Variants in VPS13A observed in about 807,000 individuals in gnomAD.
VPS13A encodes intermembrane lipid transfer protein VPS13A.
A neutral mutation model predicts 390.9 loss-of-function variants in VPS13A; 264 were observed. That is an observed-to-expected ratio of 0.68 (90% CI 0.61 to 0.75). The LOEUF (loss-of-function observed/expected upper bound fraction) is 0.75. Among genes scored for constraint, VPS13A ranks in the 30% least tolerant of loss-of-function variants. The probability of loss-of-function intolerance (pLI) is 0.00; values close to 1 mark genes in which losing one functional copy is unlikely to be tolerated. For synonymous variants in VPS13A, 1,231 were observed against 1,227.1 expected (o/e 1.00, Z -0.07); for missense variants, 3,409 against 3,733.9 (o/e 0.91, Z 2.27).
intron 45 of VPS13A, among the ~76,000 whole-genome samples, chr9:77,327,250 A>G (rs1329543103): frequency 2.6e-5 from 4 of 152,192 alleles, no homozygotes; most frequent in Non-Finnish European, 5.9e-5. Flanking sequence ...TTATTCTAGC[A>G]TGGCTGAAAA....
In VPS13A at chr9:77,283,341, A is replaced by AT. The variant is rs536731890; in HGVS notation, c.3119-5dup. The stretch of plus-strand genomic sequence containing the variant: ...TTTTTCCTCATGTTTTATAATATGA[A>AT]TTTTTTTTTGCAGCTTTAAAACTAT... On this transcript the variant is annotated splice_polypyrimidine_tract_variant and intron_variant, in intron 29 of 71. Coordinates refer to ENST00000360280, the MANE Select transcript of VPS13A (RefSeq NM_033305.3). 2.6e-4 allele frequency: 380 copies of AT among 1,442,156 alleles called. No homozygotes were observed. Among genetic ancestry groups the AT allele is most frequent in the Middle Eastern group, 3.9e-4 (2 of 5,162 alleles). 89.3% of individuals were successfully genotyped at this position (1,442,156 alleles called of 1,614,324 possible).
intron 68 of VPS13A, chr9:77,385,078 C>A: frequency 1.0e-6 from 1 of 994,344 alleles, no homozygotes; most frequent in Non-Finnish European, 1.2e-6. Flanking sequence ...TGTAATGCCA[C>A]TGTGTAAAAA....
chr9:77,181,647 G>A (rs1824025954), intron 1 of VPS13A, among the ~76,000 whole-genome samples: 1 of 151,978 alleles, frequency 6.6e-6, no homozygotes, highest in African/African-American at 2.4e-5. Context: ...AAATAATCCA[G>A]CAAATTTCAA....
chr9:77,191,829 T>C (rs972406168), intron 1 of VPS13A, among the ~76,000 whole-genome samples: 1 of 152,222 alleles, frequency 6.6e-6, no homozygotes, highest in Non-Finnish European at 1.5e-5. Flanking sequence ...ATACGTGCCA[T>C]GTGCATATGA....
intron 58 of VPS13A, among the ~76,000 whole-genome samples, chr9:77,359,815 C>CAA (rs1270153072): frequency 5.0e-5 from 3 of 59,606 alleles, no homozygotes; most frequent in African/African-American, 6.4e-5. Flanking sequence ...AAGACTGTCT[C>CAA]AAAAAAAAAA....
chr9:77,215,262 CCT>C (rs1429542100), intron 10 of VPS13A, among the ~76,000 whole-genome samples: 2 of 152,238 alleles, frequency 1.3e-5, no homozygotes, highest in African/African-American at 4.8e-5. Context: ...GAATATCCTT[CCT>C]GAAAGTATTT....
intron 68 of VPS13A, among the ~76,000 whole-genome samples, chr9:77,392,581 C>T (rs370558148): frequency 4.6e-5 from 7 of 152,018 alleles, no homozygotes; most frequent in Admixed American, 2.6e-4. Flanking sequence ...AGATACTGCA[C>T]GTTCAGTTCC....
At chr9:77,331,950 T>G in intron 45 of VPS13A, 60 bp from the exon 46 acceptor site, 1 of 1,168,744 alleles carries the variant, frequency 8.6e-7, no homozygotes, top group Non-Finnish European at 1.3e-6. Flanking sequence ...CATATTTTTT[T>G]TACACATCTT....
At chr9:77,305,557 G>T (rs559469928) in intron 34 of VPS13A, 1 of 179,302 alleles carries the variant, frequency 5.6e-6, no homozygotes, top group African/African-American at 2.4e-5. Context: ...CTCTTCCCAG[G>T]TAGAATCCAT....
intron 1 of VPS13A, among the ~76,000 whole-genome samples, chr9:77,196,064 T>C (rs549168383): frequency 1.3e-5 from 2 of 152,202 alleles, no homozygotes; most frequent in Non-Finnish European, 2.9e-5. Context: ...CGTTTCTTAT[T>C]TAAGAGTGCT....
Position 77,355,249 on chromosome 9 carries a change from A to T in VPS13A, c.7653-1465A>T, listed in dbSNP as rs1302993877. 2.6e-5 allele frequency among the ~76,000 whole-genome samples: 4 copies of T among 152,196 alleles called. No individual in the cohort carries two copies. The East Asian group carries it at 5.8e-4, about 22-fold the overall frequency. ...AACACACCATGAAACTGGTTTTGTC[A>T]GCATTACCAGTGACCTCCATAATGC... On this transcript the variant is annotated intron_variant, in intron 54 of 71. Transcript: ENST00000360280.
At chr9:77,377,169 T>A (rs903163027) in intron 67 of VPS13A, among the ~76,000 whole-genome samples, 7 of 151,558 alleles carry the variant, frequency 4.6e-5, no homozygotes, top group African/African-American at 1.7e-4. Context: ...TTATACTTCT[T>A]TTTAAAAACT....
intron 5 of VPS13A, among the ~76,000 whole-genome samples, chr9:77,207,816 T>C (rs924519459): frequency 3.3e-5 from 5 of 152,144 alleles, no homozygotes; most frequent in African/African-American, 1.2e-4. Context: ...TTTTGTTTGG[T>C]GGGGTTTCCA....
chr9:77,281,889 T>G lies in VPS13A; in HGVS notation c.2927T>G (p.Leu976Trp). Residue 976 changes from leucine (L) to tryptophan (W), a missense_variant, in exon 28 of 72, where the codon TTG (leucine) becomes TGG (tryptophan). Around this residue, in one of 5 missense-constraint regions of VPS13A, gnomAD observed 2,717 missense variants for 2,917.4 expected, o/e 0.93. Coordinates refer to ENST00000360280, the MANE Select transcript of VPS13A (RefSeq NM_033305.3). ...YVKAEKNVPD[L>W]KSTYNNVLQL... ...TAGGCTGAAAAGAATGTACCCGACT[T>G]GAAAAGTACCTATAACAATGTTTTA... is the stretch of plus-strand genomic sequence containing the variant. 2.5e-6 allele frequency: 4 copies of G among 1,604,488 alleles called. No homozygotes were observed. The highest frequency in any genetic ancestry group is 2.6e-6 in the Non-Finnish European group (3 of 1,172,222).
chr9:77,209,867 G>A (rs2131141542), intron 6 of VPS13A, among the ~76,000 whole-genome samples: 1 of 152,218 alleles, frequency 6.6e-6, no homozygotes, highest in African/African-American at 2.4e-5. Context: ...AGTGGAGCTA[G>A]CCTTAAATAA....
chr9:77,402,799 T>C (rs963794545), intron 68 of VPS13A, among the ~76,000 whole-genome samples: 34 of 152,168 alleles, frequency 2.2e-4, no homozygotes, highest in Non-Finnish European at 4.3e-4. Context: ...GAAAAGCATA[T>C]TTGTTACATA....
intron 71 of VPS13A, among the ~76,000 whole-genome samples, chr9:77,413,106 A>T (rs1186300200): frequency 6.6e-6 from 1 of 152,248 alleles, no homozygotes; most frequent in Non-Finnish European, 1.5e-5. Flanking sequence ...GGATACAAAC[A>T]AATGGAAGAA....
intron 68 of VPS13A, chr9:77,382,889 T>C (rs1587699598): frequency 1.0e-6 from 1 of 985,450 alleles, no homozygotes; most frequent in East Asian, 1.1e-4. Context: ...AATTCGACTT[T>C]TTAAAACCTG....
chr9:77,203,664 T>G (rs1018532084), intron 3 of VPS13A, among the ~76,000 whole-genome samples: 1 of 152,244 alleles, frequency 6.6e-6, no homozygotes, highest in African/African-American at 2.4e-5. Context: ...TTTACAGTTT[T>G]GTAATTGCTC....
Sources: allele counts gnomAD v4.1 joint callset (sites outside exome capture counted in the v4.1 genomes callset), GRCh38; gene constraint gnomAD v4.1.1; regional missense constraint gnomAD v4.1.1; transcripts MANE v1.5; gene names NCBI Gene and HGNC (gene_info 2026-07-23, HGNC 2026-07-21).